NFIA: variants seen among roughly 807,000 people sequenced by gnomAD.
NFIA encodes the protein nuclear factor 1 A-type.
NFIA carries 8 observed loss-of-function variants against 62.8 expected under a neutral mutation model. The observed-to-expected ratio is 0.13, with a 90% CI of 0.07 to 0.23. The LOEUF is 0.23. Ranked by LOEUF, NFIA falls within the 10% of genes least tolerant of loss-of-function variation. The pLI is 1.00. For missense variants in NFIA, 410 were observed against 642.1 expected, an observed-to-expected ratio of 0.64 and a Z score of 3.91; for synonymous variants, 235 against 238.1, an observed-to-expected ratio of 0.99 and a Z score of 0.12.
At chr1:61,260,094 C>A (rs1180542386) in intron 2 of NFIA, among the ~76,000 whole-genome samples, 2 of 152,318 alleles carry the variant, frequency 1.3e-5, no homozygotes, top group East Asian at 3.9e-4. Flanking sequence ...TGAATGTGTT[C>A]ACTCAAGGCA....
chr1:61,140,173 ATTTTG>A (rs965688881), intron 2 of NFIA, among the ~76,000 whole-genome samples: 1 of 152,112 alleles, frequency 6.6e-6, no homozygotes, highest in African/African-American at 2.4e-5. Context: ...GCCCATATAC[ATTTTG>A]TTTTAACATA....
At chr1:61,451,286 T>C (rs1668048179) in intron 10 of NFIA, among the ~76,000 whole-genome samples, 2 of 152,214 alleles carry the variant, frequency 1.3e-5, no homozygotes, top group South Asian at 2.1e-4. Flanking sequence ...CTTAGAGAAC[T>C]GTGAGGGGAA....
chr1:61,109,292 T>A (rs1183315953), intron 2 of NFIA, among the ~76,000 whole-genome samples: 1 of 151,880 alleles, frequency 6.6e-6, no homozygotes, highest in Non-Finnish European at 1.5e-5. Context: ...TTGATTAATG[T>A]ACGAGAAGTC....
chr1:61,287,701 GATAAAC>G (rs2100300570), intron 3 of NFIA, among the ~76,000 whole-genome samples: 1 of 151,712 alleles, frequency 6.6e-6, no homozygotes, highest in South Asian at 2.1e-4. Flanking sequence ...TTGAGTTTCA[GATAAAC>G]AGTGAATAAT....
At chr1:61,391,691 G>A (rs1664994025) in intron 7 of NFIA, among the ~76,000 whole-genome samples, 1 of 152,088 alleles carries the variant, frequency 6.6e-6, no homozygotes, top group African/African-American at 2.4e-5. Flanking sequence ...CAGAAAGAAC[G>A]TCCCCTGGCG....
chr1:61,376,039 A>G (rs1177934479), intron 6 of NFIA, among the ~76,000 whole-genome samples: 1 of 152,172 alleles, frequency 6.6e-6, no homozygotes, highest in Non-Finnish European at 1.5e-5. Context: ...TCTCAGTGGC[A>G]TTCAACTCAG....
intron 3 of NFIA, among the ~76,000 whole-genome samples, chr1:61,299,829 CAGAA>C (rs1659397779): frequency 6.6e-6 from 1 of 152,104 alleles, no homozygotes; most frequent in Non-Finnish European, 1.5e-5. Context: ...ATTTAATAAA[CAGAA>C]AGAAAGTAAC....
At chr1:61,248,483 T>C (rs760180768) in intron 2 of NFIA, among the ~76,000 whole-genome samples, 1 of 152,194 alleles carries the variant, frequency 6.6e-6, no homozygotes, top group South Asian at 2.1e-4. Context: ...CCTTTCCTTA[T>C]GATGTGTGAT....
chr1:61,286,427 CA>C (rs59486053), intron 3 of NFIA, among the ~76,000 whole-genome samples: 195 of 108,718 alleles, frequency 1.8e-3, no homozygotes, highest in East Asian at 3.0e-3. Flanking sequence ...GACTCTGTCT[CA>C]AAAAAAAAAA....
At chr1:61,364,872 A>G (rs564012085) in intron 6 of NFIA, among the ~76,000 whole-genome samples, 2 of 152,252 alleles carry the variant, frequency 1.3e-5, no homozygotes, top group South Asian at 4.2e-4. Flanking sequence ...TGCTGCTCCA[A>G]GTGTGGTCTG....
chr1:61,420,261 G>A (rs1266155645), intron 9 of NFIA, among the ~76,000 whole-genome samples: 1 of 152,170 alleles, frequency 6.6e-6, no homozygotes, highest in African/African-American at 2.4e-5. Flanking sequence ...GTAAGAAATA[G>A]TGCTGTTCAA....
chr1:61,350,418 ACTGGAAGTTCAATACCAGC>A (rs941490394), intron 4 of NFIA, among the ~76,000 whole-genome samples: 1 of 152,094 alleles, frequency 6.6e-6, no homozygotes, highest in Non-Finnish European at 1.5e-5. Context: ...ATCGCTTTAG[ACTGGAAGTTCAATACCAGC>A]CTGGGCATTA....
chr1:61,419,222 T>G (rs373329579), intron 9 of NFIA, among the ~76,000 whole-genome samples: 1 of 152,114 alleles, frequency 6.6e-6, no homozygotes, highest in Non-Finnish European at 1.5e-5. Context: ...GCAGGAAGAT[T>G]GCTTGAAACC....
upstream of NFIA, chr1:61,081,910 TAGG>T (rs1413649148): frequency 6.5e-7 from 1 of 1,548,154 alleles, no homozygotes; most frequent in African/African-American, 1.4e-5. Context: ...AAAAGTTACC[TAGG>T]AGGTCTGATT....
intron 2 of NFIA, among the ~76,000 whole-genome samples, chr1:61,096,626 C>T (rs111761821): frequency 4.4e-4 from 63 of 141,756 alleles, no homozygotes; most frequent in African/African-American, 1.6e-3. Context: ...GATCTTGGCT[C>T]ACTGCAACCT....
Position 61,428,773 on chromosome 1 carries a change from T to G in NFIA, c.1512+2217T>G, listed in dbSNP as rs150195859. ...TTGACAAGAATTTTTAAAAACATAATTAGAACATGGTCGGCAGATTTCCTA... is the reference window on the plus strand; with the variant it reads ...TTGACAAGAATTTTTAAAAACATAAGTAGAACATGGTCGGCAGATTTCCTA... On this transcript the variant is annotated intron_variant, in intron 10 of 10. Coordinates refer to ENST00000403491, the MANE Select transcript of NFIA (RefSeq NM_001134673.4). Among the ~76,000 whole-genome samples the G allele has an allele frequency of 2.6e-3, 389 of 152,264 alleles. 1 individual carries two copies. The highest frequency in any genetic ancestry group is 9.0e-3 in the African/African-American group (375 of 41,558).
At position 61,358,379 on chromosome 1, in the gene NFIA, CTTTTTTTTT is replaced by C. The variant is rs34853369; in HGVS notation, c.819-751_819-743del. ...TCATTTTCTTTTCTTTTCTTTCTTT[CTTTTTTTTT>C]TTTTTTTTTTTTTTTTGAGACAGAA... On this transcript the variant is annotated intron_variant, in intron 5 of 10. Coordinates refer to ENST00000403491, the MANE Select transcript of NFIA (RefSeq NM_001134673.4). Among the ~76,000 whole-genome samples, 24 of 52,616 alleles carry C rather than the reference CTTTTTTTTT, an allele frequency of 4.6e-4. No homozygotes were observed. The Admixed American group carries it at 7.2e-3, about 16-fold the overall frequency. The allele number at this position is 52,616 out of a possible 152,430, so 34.5% of individuals were successfully genotyped here. A position where few individuals can be genotyped will look rare whatever the true frequency, so the allele number is the denominator to read the frequency against.
At chr1:61,357,783 A>G (rs957573544) in intron 5 of NFIA, among the ~76,000 whole-genome samples, 1 of 152,154 alleles carries the variant, frequency 6.6e-6, no homozygotes, top group African/African-American at 2.4e-5. Flanking sequence ...TGAATGAAAC[A>G]TACGAAAACT....
intron 7 of NFIA, among the ~76,000 whole-genome samples, chr1:61,394,197 A>G (rs1210074662): frequency 1.3e-5 from 2 of 152,042 alleles, no homozygotes; most frequent in Non-Finnish European, 2.9e-5. Flanking sequence ...CACCCAAGAC[A>G]GAGTCTTGCT....
Sources: gnomAD v4.1 joint callset for allele counts (sites outside exome capture counted in the v4.1 genomes callset) on GRCh38, gnomAD v4.1.1 for gene constraint, MANE v1.5 for transcripts, NCBI Gene and HGNC (gene_info 2026-07-23, HGNC 2026-07-21) for gene names.